The following SHANK2 variants were observed in gnomAD, a reference collection of about 807,000 sequenced individuals.
SHANK2 encodes the protein SH3 and multiple ankyrin repeat domains 2, also known as SH3 and multiple ankyrin repeat domains protein 2.
In SHANK2, 43 loss-of-function variants were observed where a neutral mutation model predicts 133.7. The ratio of observed to expected loss-of-function variants is 0.32; its 90% CI spans 0.25 to 0.41. The LOEUF (loss-of-function observed/expected upper bound fraction) is 0.41, where lower values mean the gene tolerates loss of function less well. SHANK2 is among the 10% of genes least tolerant of loss of function. SHANK2 has a pLI of 1.00. For synonymous variants in SHANK2, 1,017 were observed against 952.8 expected (o/e 1.07, Z -1.24); for missense variants, 1,994 against 2,235.8 (o/e 0.89, Z 2.18).
At chr11:71,146,613 C>T (rs782119853) in intron 3 of SHANK2, among the ~76,000 whole-genome samples, 9 of 152,184 alleles carry the variant, frequency 5.9e-5, no homozygotes, top group African/African-American at 1.2e-4. Context: ...CAGGAGGAGG[C>T]GGACAGCAGC....
At chr11:71,090,567 T>TGTCC (rs1363859409) in intron 8 of SHANK2, among the ~76,000 whole-genome samples, 9 of 49,008 alleles carry the variant, frequency 1.8e-4, no homozygotes, top group South Asian at 1.0e-3. Context: ...TGTGTGTGTG[T>TGTCC]CCTGCTGCTT....
intron 8 of SHANK2, among the ~76,000 whole-genome samples, chr11:71,080,168 G>T (rs1336556294): frequency 1.3e-5 from 2 of 152,030 alleles, no homozygotes; most frequent in Non-Finnish European, 2.9e-5. Context: ...CACTGCCCTT[G>T]ACACCTGCAC....
At chr11:71,213,869 G>GCC (rs1954341315) in intron 2 of SHANK2, among the ~76,000 whole-genome samples, 1 of 152,160 alleles carries the variant, frequency 6.6e-6, no homozygotes, top group East Asian at 1.9e-4. Context: ...GGGAGAGACC[G>GCC]CCCCTTCCAG....
chr11:70,767,064 A>G (rs1261683489), intron 14 of SHANK2, among the ~76,000 whole-genome samples: 1 of 152,210 alleles, frequency 6.6e-6, no homozygotes, highest in African/African-American at 2.4e-5. Context: ...CCCTGCCCCA[A>G]GGAGTTGCAG....
intron 9 of SHANK2, among the ~76,000 whole-genome samples, chr11:71,069,125 C>T (rs976756138): frequency 2.4e-4 from 36 of 151,408 alleles, no homozygotes; most frequent in African/African-American, 8.5e-4. Context: ...ACCATCATCA[C>T]CATCACCATG....
chr11:70,872,562 C>T (rs1207216576), intron 11 of SHANK2, among the ~76,000 whole-genome samples: 1 of 151,924 alleles, frequency 6.6e-6, no homozygotes, highest in African/African-American at 2.4e-5. Flanking sequence ...GGAAGAGAGA[C>T]CCTCAGATGG....
Position 71,210,210 on chromosome 11 carries a change from G to GTATATATATATATATATATATATA in SHANK2, c.-13+14463_-13+14486dup, listed in dbSNP as rs71049962. ...GGTCCTCTTCATTGGAAATCCACAG[G>GTATATATATATATATATATATATA]TATATATATATATATATATATATAT... On this transcript the variant is annotated intron_variant, in intron 2 of 25. Transcript: ENST00000601538. 2.6e-4 allele frequency among the ~76,000 whole-genome samples: 14 copies of GTATATATATATATATATATATATA among 54,056 alleles called. 1 individual carries two copies. Among genetic ancestry groups the GTATATATATATATATATATATATA allele is most frequent in the African/African-American group, 5.1e-4 (6 of 11,796 alleles). The allele number at this position is 54,056 out of a possible 152,430, so 35.5% of individuals were successfully genotyped here.
intron 10 of SHANK2, among the ~76,000 whole-genome samples, chr11:70,922,787 G>A (rs1950369508): frequency 6.6e-6 from 1 of 152,082 alleles, no homozygotes; most frequent in Admixed American, 6.5e-5. Flanking sequence ...AAGTAATAAA[G>A]AACAGGAAGA....
At chr11:70,855,056 C>A (rs1404053816) in intron 11 of SHANK2, among the ~76,000 whole-genome samples, 7 of 152,230 alleles carry the variant, frequency 4.6e-5, no homozygotes, top group African/African-American at 1.7e-4. Context: ...TGGACACTCT[C>A]AGTGACCTGC....
Position 70,487,353 on chromosome 11 carries a change from C to G in SHANK2, c.2940G>C (p.Lys980Asn), listed in dbSNP as rs782496069. 1.2e-6 allele frequency: 2 copies of G among 1,614,178 alleles called. No homozygotes were observed. The highest frequency in any genetic ancestry group is 1.1e-5 in the South Asian group (1 of 91,084). The change falls in exon 25 of 26, where the codon AAG (lysine) becomes AAC (asparagine). Residue 980 changes from lysine (K) to asparagine (N), a missense_variant. Around this residue, in one of 5 missense-constraint regions of SHANK2, gnomAD observed 488 missense variants for 642.6 expected, o/e 0.76. Coordinates refer to ENST00000601538, the MANE Select transcript of SHANK2 (RefSeq NM_012309.5). The surrounding 1 kb of genome is among the most constrained non-coding windows in gnomAD (Gnocchi z 5.8). Reference sequence around the variant, plus strand: ...ATGGGTTTTCTGGCATCTGGCCTCTCTTGTTGCGGAAGTTGGCTTGCGGGC... The same window carrying G: ...ATGGGTTTTCTGGCATCTGGCCTCTGTTGTTGCGGAAGTTGGCTTGCGGGC... ...NAGPQANFRN[K>N]RGQMPENPYS...
chr11:70,858,984 C>T (rs1185529907), intron 11 of SHANK2, among the ~76,000 whole-genome samples: 1 of 152,244 alleles, frequency 6.6e-6, no homozygotes, highest in African/African-American at 2.4e-5. Context: ...GAGTCTCATG[C>T]TGTCCTTTCC....
intron 17 of SHANK2, among the ~76,000 whole-genome samples, chr11:70,655,075 T>C (rs555906840): frequency 6.6e-6 from 1 of 152,256 alleles, no homozygotes; most frequent in East Asian, 1.9e-4. Context: ...TTTTAAAAAA[T>C]TATTCCCTTA....
At chr11:70,619,666 T>C (rs888956391) in intron 17 of SHANK2, among the ~76,000 whole-genome samples, 3 of 152,196 alleles carry the variant, frequency 2.0e-5, no homozygotes, top group Non-Finnish European at 4.4e-5. Context: ...AACTGGGCTC[T>C]GCAGAGAGGC....
At chr11:70,558,618 A>G (rs75117037) in intron 17 of SHANK2, among the ~76,000 whole-genome samples, 3,493 of 152,284 alleles carry the variant, frequency 0.023, 74 homozygotes, top group East Asian at 0.1. Context: ...GCTAGCTGGG[A>G]GGCCACGTGG....
At chr11:71,198,400 C>A (rs1015318394) in intron 2 of SHANK2, among the ~76,000 whole-genome samples, 9 of 152,178 alleles carry the variant, frequency 5.9e-5, no homozygotes, top group African/African-American at 2.2e-4. Context: ...TCTCGTTCTC[C>A]CAGCCAGAGA....
intron 14 of SHANK2, among the ~76,000 whole-genome samples, chr11:70,756,616 G>C (rs368286937): frequency 1.1e-4 from 17 of 152,174 alleles, no homozygotes; most frequent in African/African-American, 3.6e-4. Context: ...CAGGTTCCAT[G>C]GCATCATACT....
intron 21 of SHANK2, among the ~76,000 whole-genome samples, chr11:70,498,273 G>A (rs999801157): frequency 5.9e-5 from 9 of 152,242 alleles, no homozygotes; most frequent in Non-Finnish European, 1.3e-4. Context: ...CATCTGCAGC[G>A]CCAGATGTTA....
At chr11:71,060,284 A>T (rs1950972351) in intron 9 of SHANK2, among the ~76,000 whole-genome samples, 1 of 152,184 alleles carries the variant, frequency 6.6e-6, no homozygotes, top group Non-Finnish European at 1.5e-5. Flanking sequence ...TCCAGCCCCA[A>T]ACCTCAATAA....
At chr11:71,234,423 C>T (rs1158664972) in intron 1 of SHANK2, among the ~76,000 whole-genome samples, 1 of 149,160 alleles carries the variant, frequency 6.7e-6, no homozygotes, top group African/African-American at 2.5e-5. Flanking sequence ...TGTTAGCCTG[C>T]AGATGCACCT....
Sources: gnomAD v4.1 joint callset for allele counts (sites outside exome capture counted in the v4.1 genomes callset) on GRCh38, gnomAD v4.1.1 for gene constraint, gnomAD v4.1.1 regional missense constraint, Gnocchi (gnomAD v3.1) non-coding constraint, MANE v1.5 for transcripts, NCBI Gene and HGNC (gene_info 2026-07-23, HGNC 2026-07-21) for gene names.